The following ATP10B variants were observed in gnomAD, a reference collection of about 807,000 sequenced individuals.
The protein encoded by ATP10B is ATPase phospholipid transporting 10B (putative).
Under a neutral mutation model 141.2 loss-of-function variants are expected in ATP10B, and 122 were observed. The ratio of observed to expected loss-of-function variants is 0.86; its 90% confidence interval spans 0.75 to 1.00. ATP10B has a LOEUF of 1.00. ATP10B is among the 50% of genes least tolerant of loss of function. The probability of loss-of-function intolerance (pLI) is 0.00; values close to 1 mark genes in which losing one functional copy is unlikely to be tolerated. For synonymous variants in ATP10B, 685 were observed against 692.0 expected (o/e 0.99, Z 0.16); for missense variants, 1,876 against 1,825.3 (o/e 1.03, Z -0.51).
chr5:160,607,048 C>T lies in ATP10B; in HGVS notation c.2877G>A (p.Glu959=). 3 of 1,614,088 alleles carry T rather than the reference C, an allele frequency of 1.9e-6. No homozygotes were observed. The highest frequency in any genetic ancestry group is 1.3e-5 in the African/African-American group (1 of 75,024). ...TCTGTAGTTCACGAAATTGCTTTAG[C>T]TCTTCCAATGCACAATTGAGGATGG... ...CESILNCALE[E]LKQFRELQKP... Residue 959 remains glutamate, a synonymous_variant, in exon 19 of 26, where the codon GAG becomes GAA. Coordinates refer to ENST00000327245, the MANE Select transcript of ATP10B (RefSeq NM_025153.3).
In ATP10B at chr5:160,602,759, G is replaced by A. The variant is rs1561644554; in HGVS notation, c.3238-57C>T. 1.3e-5 allele frequency: 21 copies of A among 1,608,662 alleles called. No homozygotes were observed. In the South Asian group the frequency reaches 2.2e-4, roughly 17 times the overall value. ...ATCCATGGCTGCCAGTGCCCCAGAGGGACTCTCTCAAGGGCGTTGCTTTGG... is the reference window on the plus strand; with the variant it reads ...ATCCATGGCTGCCAGTGCCCCAGAGAGACTCTCTCAAGGGCGTTGCTTTGG... On this transcript the variant is annotated intron_variant, in intron 20 of 25. Coordinates refer to ENST00000327245, the MANE Select transcript of ATP10B (RefSeq NM_025153.3).
intron 4 of ATP10B, among the ~76,000 whole-genome samples, chr5:160,688,465 G>T (rs1049800898): frequency 1.3e-5 from 2 of 152,178 alleles, no homozygotes; most frequent in African/African-American, 4.8e-5. Flanking sequence ...GGCTGTCAGG[G>T]ATAGCTAAAG....
intron 3 of ATP10B, among the ~76,000 whole-genome samples, chr5:160,693,828 G>C (rs1764217895): frequency 6.6e-6 from 1 of 152,196 alleles, no homozygotes; most frequent in Admixed American, 6.5e-5. Flanking sequence ...TGTCTCCACT[G>C]ATCTGACAGC....
chr5:160,791,007 G>A (rs1281135722), intron 1 of ATP10B, among the ~76,000 whole-genome samples: 1 of 152,176 alleles, frequency 6.6e-6, no homozygotes, highest in Non-Finnish European at 1.5e-5. Context: ...GGAGGAAGGG[G>A]GTCATGAGCC....
chr5:160,791,362 T>A (rs898887227), intron 1 of ATP10B, among the ~76,000 whole-genome samples: 1 of 152,164 alleles, frequency 6.6e-6, no homozygotes, highest in African/African-American at 2.4e-5. Flanking sequence ...GTAAGTGTGA[T>A]CTAGGAGCAA....
intron 2 of ATP10B, among the ~76,000 whole-genome samples, chr5:160,750,870 C>T (rs1768107272): frequency 6.6e-6 from 1 of 152,304 alleles, no homozygotes; most frequent in East Asian, 1.9e-4. Flanking sequence ...CTTCTCAGGG[C>T]CTCTGCATGG....
intron 25 of ATP10B, 54 bp from the exon 26 acceptor site, chr5:160,565,954 C>T (rs1754512053): frequency 1.3e-6 from 2 of 1,492,964 alleles, no homozygotes; most frequent in Non-Finnish European, 1.8e-6. Context: ...ACTTCATAAA[C>T]TTCAGCATTA....
chr5:160,615,149 C>T (rs1757925818), intron 17 of ATP10B, among the ~76,000 whole-genome samples: 2 of 152,186 alleles, frequency 1.3e-5, no homozygotes, highest in Non-Finnish European at 2.9e-5. Context: ...CTGCCCTCTC[C>T]AAACCTTTAG....
chr5:160,699,345 GTAAA>G (rs1406053532), intron 3 of ATP10B, among the ~76,000 whole-genome samples: 24 of 152,196 alleles, frequency 1.6e-4, no homozygotes, highest in African/African-American at 5.8e-4. Flanking sequence ...CTAATTAAAA[GTAAA>G]TAAATCTCTC....
At chr5:160,767,584 C>CA (rs1460514137) in intron 2 of ATP10B, among the ~76,000 whole-genome samples, 2 of 145,294 alleles carry the variant, frequency 1.4e-5, no homozygotes, top group African/African-American at 5.0e-5. Flanking sequence ...TTGGTAGAAG[C>CA]AAAAAAATGA....
intron 6 of ATP10B, among the ~76,000 whole-genome samples, chr5:160,683,682 T>A (rs1162871708): frequency 6.6e-6 from 1 of 152,196 alleles, no homozygotes; most frequent in Non-Finnish European, 1.5e-5. Flanking sequence ...GTGCTGCTTG[T>A]GAGACATGGA....
chr5:160,762,497 A>G (rs1467413576), intron 2 of ATP10B, among the ~76,000 whole-genome samples: 1 of 152,166 alleles, frequency 6.6e-6, no homozygotes, highest in Non-Finnish European at 1.5e-5. Flanking sequence ...ACCTTTTTAA[A>G]ATAAACAAAT....
chr5:160,763,799 T>C (rs1244890602), intron 2 of ATP10B, among the ~76,000 whole-genome samples: 2 of 151,968 alleles, frequency 1.3e-5, no homozygotes, highest in Non-Finnish European at 2.9e-5. Flanking sequence ...ACGAAATCAA[T>C]AGACCATTAG....
chr5:160,641,915 A>G (rs1759894321), intron 9 of ATP10B, among the ~76,000 whole-genome samples: 1 of 151,066 alleles, frequency 6.6e-6, no homozygotes, highest in African/African-American at 2.4e-5. Context: ...AAGTTGCTGC[A>G]GTTGTGAGCA....
the ATP10B span, among the ~76,000 whole-genome samples, chr5:160,891,096 T>C: frequency 3.3e-5 from 5 of 152,342 alleles, no homozygotes; most frequent in African/African-American, 1.2e-4. Context: ...AATTGTACTG[T>C]AGTTCTCTGT....
At chr5:160,920,621 CA>C in the ATP10B span, among the ~76,000 whole-genome samples, 1 of 152,222 alleles carries the variant, frequency 6.6e-6, no homozygotes, top group African/African-American at 2.4e-5. Flanking sequence ...CAGTGTTTTG[CA>C]ACATCACTTG....
chr5:160,829,528 A>G (rs1774912559), intron 1 of ATP10B, among the ~76,000 whole-genome samples: 1 of 152,134 alleles, frequency 6.6e-6, no homozygotes, highest in Non-Finnish European at 1.5e-5. Context: ...TAGGAATAGC[A>G]TTGAATCTCT....
chr5:160,879,940 T>C, the ATP10B span, among the ~76,000 whole-genome samples: 2 of 152,128 alleles, frequency 1.3e-5, no homozygotes, highest in East Asian at 1.9e-4. Context: ...AATTGCTTTG[T>C]ATATACCAAC....
intron 2 of ATP10B, among the ~76,000 whole-genome samples, chr5:160,773,559 A>G (rs1196808628): frequency 1.3e-5 from 2 of 152,244 alleles, no homozygotes; most frequent in Non-Finnish European, 2.9e-5. Context: ...TAGGTATATT[A>G]GCAGCTCCAG....
Sources: gnomAD v4.1 joint callset for allele counts (sites outside exome capture counted in the v4.1 genomes callset) on GRCh38, gnomAD v4.1.1 for gene constraint, MANE v1.5 for transcripts, NCBI Gene and HGNC (gene_info 2026-07-23, HGNC 2026-07-21) for gene names.